FOXP4: variants seen among roughly 807,000 people sequenced by gnomAD.
FOXP4 encodes the protein forkhead box protein P4.
Under a neutral mutation model 82.6 loss-of-function variants are expected in FOXP4, and 25 were observed. The ratio of observed to expected loss-of-function variants is 0.30; its 90% confidence interval spans 0.22 to 0.42. FOXP4 has a LOEUF of 0.42. FOXP4 is among the 10% of genes least tolerant of loss of function. The pLI, the probability that FOXP4 is intolerant of heterozygous loss-of-function variation, is 1.00. For synonymous variants in FOXP4, 415 were observed against 388.2 expected (o/e 1.07, Z -0.81); for missense variants, 785 against 900.9 (o/e 0.87, Z 1.65).
At chr6:41,585,809 C>T (rs923671191) in intron 5 of FOXP4, among the ~76,000 whole-genome samples, 7 of 152,008 alleles carry the variant, frequency 4.6e-5, no homozygotes, top group African/African-American at 7.3e-5. Context: ...TGCCGGGCCA[C>T]GCTCATGTGC....
At chr6:41,575,659 C>A (rs919778264) in intron 2 of FOXP4, among the ~76,000 whole-genome samples, 2 of 152,080 alleles carry the variant, frequency 1.3e-5, no homozygotes, top group African/African-American at 4.8e-5. Flanking sequence ...CAGGGGACCA[C>A]AAAGTAAGAG....
At chr6:41,557,107 G>A (rs1759506556) in intron 1 of FOXP4, among the ~76,000 whole-genome samples, 5 of 152,296 alleles carry the variant, frequency 3.3e-5, no homozygotes, top group Admixed American at 3.3e-4. Context: ...TCAGCTGCAG[G>A]TGAAGGCTCC....
Position 41,591,992 on chromosome 6 carries a change from G to GT in FOXP4, c.1536+670_1536+671insT, listed in dbSNP as rs1766539703. ...TTTATTTTTCTATAGCCAAAAGGGG[G>GT]GTGTGTGTGTGTGTCTGTCTGTCTG... On this transcript the variant is annotated intron_variant, in intron 13 of 16. Coordinates refer to ENST00000307972, the MANE Select transcript of FOXP4 (RefSeq NM_001012426.2). This position sits in a 1 kb window ranked among gnomAD's most constrained non-coding sequence, Gnocchi z 4.2. Among the ~76,000 whole-genome samples, 2 of 151,778 alleles carry GT rather than the reference G, an allele frequency of 1.3e-5. No homozygotes were observed. The highest frequency in any genetic ancestry group is 1.9e-4 in the East Asian group (1 of 5,170).
At chr6:41,562,221 G>A (rs975845718) in intron 1 of FOXP4, among the ~76,000 whole-genome samples, 10 of 152,190 alleles carry the variant, frequency 6.6e-5, no homozygotes, top group African/African-American at 2.2e-4. Flanking sequence ...AGGTTTGGGG[G>A]GTATGTTGTT....
intron 2 of FOXP4, among the ~76,000 whole-genome samples, chr6:41,567,126 A>T (rs1161999672): frequency 6.6e-6 from 1 of 152,242 alleles, no homozygotes; most frequent in Non-Finnish European, 1.5e-5. Flanking sequence ...GAATGGAAGA[A>T]ACCTGGTTTA....
intron 2 of FOXP4, among the ~76,000 whole-genome samples, chr6:41,567,106 G>A (rs758336876): frequency 3.3e-5 from 5 of 152,212 alleles, no homozygotes; most frequent in South Asian, 4.1e-4. Context: ...GTCAGCCAGC[G>A]CTAAAGCAGG....
chr6:41,587,783 G>T lies in FOXP4; in HGVS notation c.873-10G>T. ...GTCCCTGATCGGCCACCTCCCTGCT[G>T]TCCTCCCAGCTCTTCCCACGAGGAG... On this transcript the variant is annotated splice_polypyrimidine_tract_variant and intron_variant, in intron 7 of 16. Coordinates refer to ENST00000307972, the MANE Select transcript of FOXP4 (RefSeq NM_001012426.2). 1 of 1,544,524 alleles carries T rather than the reference G, an allele frequency of 6.5e-7. No homozygotes were observed. The highest frequency in any genetic ancestry group is 1.2e-5 in the South Asian group (1 of 84,094).
At chr6:41,580,966 GCCCTC>G (rs1765764873) in intron 3 of FOXP4, among the ~76,000 whole-genome samples, 1 of 152,190 alleles carries the variant, frequency 6.6e-6, no homozygotes, top group Admixed American at 6.5e-5. Flanking sequence ...CTAGTGAGGG[GCCCTC>G]CTTCCAGGCC....
At chr6:41,592,188 A>G (rs1766559792) in intron 13 of FOXP4, among the ~76,000 whole-genome samples, 1 of 152,150 alleles carries the variant, frequency 6.6e-6, no homozygotes. Context: ...AAGAAACTGC[A>G]GTTAAACGGG....
At chr6:41,560,049 T>G (rs147206453) in intron 1 of FOXP4, among the ~76,000 whole-genome samples, 1 of 152,348 alleles carries the variant, frequency 6.6e-6, no homozygotes, top group East Asian at 1.9e-4. Context: ...TAATCTTTGT[T>G]GGAATTATAA....
chr6:41,588,174 C>T (rs931031396), intron 8 of FOXP4, among the ~76,000 whole-genome samples: 1 of 152,204 alleles, frequency 6.6e-6, no homozygotes, highest in African/African-American at 2.4e-5. Context: ...TTACTCCTCC[C>T]CCCACCCTCC....
At position 41,597,790 on chromosome 6, in the gene FOXP4, G is replaced by A; in HGVS notation, c.1735G>A (p.Ala579Thr). 6.2e-7 allele frequency: 1 copy of A among 1,606,848 alleles called. No individual in the cohort carries two copies. The stretch of plus-strand genomic sequence containing the variant: ...CCCTGTGCCCCTGCAGGCCGCCCTG[G>A]CCGAGAGCAGCTTCCCCCTCCTCAA... ...ALNASYQAALAESSFPLLNSP... is the reference protein window; with the variant it reads ...ALNASYQAALTESSFPLLNSP... Residue 579 changes from alanine (A) to threonine (T), a missense_variant, in exon 16 of 17, where the codon GCC becomes ACC. Coordinates refer to ENST00000307972, the MANE Select transcript of FOXP4 (RefSeq NM_001012426.2).
chr6:41,588,772 C>T (rs1439388558), intron 9 of FOXP4, 41 bp downstream of exon 9: 1 of 1,604,708 alleles, frequency 6.2e-7, no homozygotes, highest in East Asian at 2.2e-5. Flanking sequence ...TGGTGGGCTC[C>T]AGCCCCTGCC....
intron 1 of FOXP4, among the ~76,000 whole-genome samples, chr6:41,557,517 C>G (rs1482238430): frequency 6.6e-6 from 1 of 152,162 alleles, no homozygotes; most frequent in East Asian, 1.9e-4. Context: ...GGGATTGGCT[C>G]AATACATTCT....
chr6:41,565,546 G>A (rs143648936), intron 1 of FOXP4, among the ~76,000 whole-genome samples, 199 bp from the exon 2 acceptor site: 2 of 152,328 alleles, frequency 1.3e-5, no homozygotes, highest in African/African-American at 4.8e-5. Flanking sequence ...GGTTGGGGGT[G>A]TGGAGCCACC....
At chr6:41,559,370 A>C (rs1764442730) in intron 1 of FOXP4, among the ~76,000 whole-genome samples, 1 of 152,250 alleles carries the variant, frequency 6.6e-6, no homozygotes, top group East Asian at 1.9e-4. Flanking sequence ...TGGTCGCACC[A>C]ATGAATGGAT....
intron 9 of FOXP4, among the ~76,000 whole-genome samples, chr6:41,589,378 C>T (rs1164868663): frequency 6.6e-6 from 1 of 152,242 alleles, no homozygotes; most frequent in Admixed American, 6.5e-5. Context: ...AGCCATTCAT[C>T]AGTTCCTGCA....
chr6:41,581,388 T>G (rs181907460), intron 3 of FOXP4, among the ~76,000 whole-genome samples: 1 of 152,304 alleles, frequency 6.6e-6, no homozygotes, highest in South Asian at 2.1e-4. Context: ...CCGAGCACGC[T>G]GTATTCATGG....
chr6:41,548,679 C>T (rs1303163104), intron 1 of FOXP4: 1 of 152,356 alleles, frequency 6.6e-6, no homozygotes, highest in Non-Finnish European at 1.5e-5. Flanking sequence ...AGCTCTCCCC[C>T]ACCCCCTCCC....
Sources: allele counts gnomAD v4.1 joint callset (sites outside exome capture counted in the v4.1 genomes callset), GRCh38; gene constraint gnomAD v4.1.1; non-coding constraint Gnocchi (gnomAD v3.1); transcripts MANE v1.5; gene names NCBI Gene and HGNC (gene_info 2026-07-23, HGNC 2026-07-21).